POLR1C: variants seen among roughly 807,000 people sequenced by gnomAD.
POLR1C encodes the protein DNA-directed RNA polymerases I and III subunit RPAC1.
In POLR1C, 42 loss-of-function variants were observed where a neutral mutation model predicts 38.3. The observed-to-expected ratio is 1.10, with a 90% CI of 0.86 to 1.42. The LOEUF (loss-of-function observed/expected upper bound fraction) is 1.42, where lower values mean the gene tolerates loss of function less well. POLR1C is among the 40% of genes most tolerant of loss of function. POLR1C has a pLI of 0.00. For synonymous variants in POLR1C, 163 were observed against 163.9 expected, an observed-to-expected ratio of 0.99 and a Z score of 0.04; for missense variants, 507 against 450.5, an observed-to-expected ratio of 1.13 and a Z score of -1.14.
chr6:43,539,895 T>C (rs1010646738), intron 9 of POLR1C, among the ~76,000 whole-genome samples: 12 of 152,262 alleles, frequency 7.9e-5, no homozygotes, highest in Admixed American at 2.6e-4. Flanking sequence ...GTTTTCTATC[T>C]TGTTGAGTTA....
chr6:43,549,136 A>G (rs1044556129), intron 9 of POLR1C, among the ~76,000 whole-genome samples: 4 of 152,164 alleles, frequency 2.6e-5, no homozygotes, highest in Non-Finnish European at 5.9e-5. Context: ...ATCTTGGCTC[A>G]CTGCAACCTC....
intron 10 of POLR1C, among the ~76,000 whole-genome samples, chr6:43,552,205 C>T (rs1795260972): frequency 6.6e-6 from 1 of 151,372 alleles, no homozygotes; most frequent in South Asian, 2.1e-4. Flanking sequence ...TTACAGGCAC[C>T]CATGACCATG....
rs1372889511 is a variant in POLR1C at position 43,539,090 on chromosome 6, A to G, written c.*4+9731A>G. ...CAGCTTCTTGGGCACAGGTGCGGAGACAATGCCAGTGCCCCTGGGTGCAGG... is the reference window on the plus strand; with the variant it reads ...CAGCTTCTTGGGCACAGGTGCGGAGGCAATGCCAGTGCCCCTGGGTGCAGG... On this transcript the variant is annotated intron_variant, in intron 9 of 10. Coordinates refer to the POLR1C transcript ENST00000607635. The G allele has an allele frequency of 5.2e-6, 7 of 1,337,704 alleles. No individual in the cohort carries two copies. The African/African-American group carries it at 1.0e-4, about 19-fold the overall frequency. The allele number at this position is 1,337,704 out of a possible 1,614,324, so 82.9% of individuals were successfully genotyped here. A position where few individuals can be genotyped will look rare whatever the true frequency, so the allele number is the denominator to read the frequency against.
intron 10 of POLR1C, chr6:43,553,717 GCCT>G (rs769340106): frequency 3.6e-5 from 36 of 992,758 alleles, no homozygotes; most frequent in Admixed American, 7.2e-5. Context: ...TTCCTACCAT[GCCT>G]CCTCCTCCTC....
chr6:43,518,224 C>A (rs1792944985), intron 2 of POLR1C, among the ~76,000 whole-genome samples: 1 of 152,064 alleles, frequency 6.6e-6, no homozygotes, highest in Non-Finnish European at 1.5e-5. Context: ...ATGGAGCAGG[C>A]AGATCTGTTG....
At chr6:43,548,276 G>C (rs1360186690) in intron 9 of POLR1C, 10 of 1,610,268 alleles carry the variant, frequency 6.2e-6, no homozygotes, top group Non-Finnish European at 7.6e-6. Flanking sequence ...CATGTCTTGA[G>C]AAAGCCAGAT....
At chr6:43,539,613 T>C (rs1794573410) in intron 9 of POLR1C, 6 of 1,375,808 alleles carry the variant, frequency 4.4e-6, no homozygotes, top group Non-Finnish European at 3.0e-6. Flanking sequence ...CGGATGCCAC[T>C]GGCGAAACCT....
chr6:43,536,525 G>A (rs1013911837), intron 9 of POLR1C, among the ~76,000 whole-genome samples: 1 of 151,506 alleles, frequency 6.6e-6, no homozygotes, highest in Non-Finnish European at 1.5e-5. Context: ...TTAGGAAGCC[G>A]AGGTGGGTGG....
chr6:43,553,215 T>C (rs796124157), intron 10 of POLR1C, among the ~76,000 whole-genome samples: 4 of 152,168 alleles, frequency 2.6e-5, no homozygotes, highest in African/African-American at 9.6e-5. Context: ...GGTAGGAGGA[T>C]TGCTTGAGCC....
At chr6:43,560,566 A>C (rs1014971357) in intron 10 of POLR1C, among the ~76,000 whole-genome samples, 5 of 152,246 alleles carry the variant, frequency 3.3e-5, no homozygotes, top group Non-Finnish European at 5.9e-5. Context: ...CTGGAATCTC[A>C]GAGTGATATT....
At chr6:43,529,167 G>T in intron 8 of POLR1C, 1 of 1,471,178 alleles carries the variant, frequency 6.8e-7, no homozygotes. Flanking sequence ...ATGGTCACTG[G>T]CCCAAAAAGT....
chr6:43,548,286 T>G (rs1290780595), intron 9 of POLR1C: 1 of 1,611,454 alleles, frequency 6.2e-7, no homozygotes, highest in African/African-American at 1.3e-5. Context: ...GAAAGCCAGA[T>G]GCTGGCCACT....
exon 11 of POLR1C, chr6:43,562,362 T>G: frequency 6.4e-7 from 1 of 1,567,570 alleles, no homozygotes; most frequent in East Asian, 2.3e-5. Flanking sequence ...AGATGAGAAT[T>G]CCTTATATCA....
At chr6:43,522,802 G>A (rs79440262), downstream of POLR1C, 6,337 of 401,900 alleles carry the variant, frequency 0.016, 313 homozygotes, top group African/African-American at 0.11. Flanking sequence ...TCTGCCTTAC[G>A]GCCAGTAATA....
Position 43,536,397 on chromosome 6 carries a change from A to G in POLR1C, c.*4+7038A>G, listed in dbSNP as rs372316785. 1.5e-4 allele frequency among the ~76,000 whole-genome samples: 22 copies of G among 150,878 alleles called. No homozygotes were observed. The South Asian group carries it at 4.2e-3, about 29-fold the overall frequency. ...GCCACTGCACTCCAGCCTGCGCAAC[A>G]CAGTGAGACTCCAACTCGACAAAAA... On this transcript the variant is annotated intron_variant, in intron 9 of 10. Coordinates refer to the POLR1C transcript ENST00000607635.
At chr6:43,526,715 G>A (rs763474678) in intron 8 of POLR1C, 3 of 1,613,936 alleles carry the variant, frequency 1.9e-6, no homozygotes, top group Non-Finnish European at 2.5e-6. Flanking sequence ...GCACTACTGT[G>A]GTCAGCACCC....
intron 9 of POLR1C, among the ~76,000 whole-genome samples, chr6:43,541,374 C>A (rs1257685364): frequency 1.3e-5 from 2 of 152,014 alleles, no homozygotes; most frequent in Non-Finnish European, 2.9e-5. Flanking sequence ...ATCTTATGTA[C>A]CCCATAAATA....
At chr6:43,530,944 TATTTACTTAAGAG>T (rs1354830043), downstream of POLR1C, 3 of 1,299,654 alleles carry the variant, frequency 2.3e-6, no homozygotes, top group Non-Finnish European at 3.1e-6. Flanking sequence ...AGAGCAGTTG[TATTTACTTAAGAG>T]AACTTATAGA....
chr6:43,532,766 C>T (rs1794061048), downstream of POLR1C, among the ~76,000 whole-genome samples: 1 of 152,336 alleles, frequency 6.6e-6, no homozygotes, highest in African/African-American at 2.4e-5. Context: ...CTTTCCTTCA[C>T]AGCAAATACC....
Sources: allele counts gnomAD v4.1 joint callset (sites outside exome capture counted in the v4.1 genomes callset), GRCh38; gene constraint gnomAD v4.1.1; transcripts MANE v1.5; gene names NCBI Gene and HGNC (gene_info 2026-07-23, HGNC 2026-07-21).